The following PDK1 variants were observed in gnomAD, a reference collection of about 807,000 sequenced individuals.
PDK1 encodes the protein [Pyruvate dehydrogenase (acetyl-transferring)] kinase isozyme 1, mitochondrial.
In PDK1, 39 loss-of-function variants were observed where a neutral mutation model predicts 54.2. The observed-to-expected ratio is 0.72, with a 90% CI of 0.56 to 0.94. The LOEUF (loss-of-function observed/expected upper bound fraction) is 0.94. Ranked by LOEUF, PDK1 falls within the 40% of genes least tolerant of loss-of-function variation. The pLI, the probability that PDK1 is intolerant of heterozygous loss-of-function variation, is 0.00. For synonymous variants in PDK1, 221 were observed against 207.1 expected (o/e 1.07, Z -0.58); for missense variants, 552 against 566.0 (o/e 0.98, Z 0.25).
At chr2:172,608,980 A>G (rs1691382494), downstream of PDK1, among the ~76,000 whole-genome samples, 1 of 152,250 alleles carries the variant, frequency 6.6e-6, no homozygotes, top group East Asian at 1.9e-4. Flanking sequence ...ATGGAAAATC[A>G]TTATAAAGTC....
chr2:172,572,570 C>A (rs1689341360), intron 8 of PDK1, among the ~76,000 whole-genome samples: 1 of 151,918 alleles, frequency 6.6e-6, no homozygotes, highest in Non-Finnish European at 1.5e-5. Flanking sequence ...ACAAAAAATA[C>A]AAAAAATTAG....
the PDK1 span, among the ~76,000 whole-genome samples, chr2:172,709,247 C>T: frequency 2.0e-5 from 3 of 152,228 alleles, no homozygotes; most frequent in African/African-American, 7.2e-5. Flanking sequence ...CATCTCTCCT[C>T]ACAACTTGCT....
chr2:172,587,304 A>G (rs1188277136), intron 9 of PDK1, among the ~76,000 whole-genome samples: 5 of 152,180 alleles, frequency 3.3e-5, no homozygotes, highest in African/African-American at 1.2e-4. Context: ...TGCTGGCTTC[A>G]GGAGTGAAGC....
At chr2:172,664,871 T>C in the PDK1 span, among the ~76,000 whole-genome samples, 1 of 152,236 alleles carries the variant, frequency 6.6e-6, no homozygotes, top group Admixed American at 6.5e-5. Flanking sequence ...TCTCAGTTGA[T>C]ATAATCGAAA....
the PDK1 span, among the ~76,000 whole-genome samples, chr2:172,630,711 C>A: frequency 6.6e-6 from 1 of 151,762 alleles, no homozygotes; most frequent in East Asian, 1.9e-4. Context: ...TTCACTGCAA[C>A]CTCCACCTCC....
At chr2:172,697,185 A>G in the PDK1 span, among the ~76,000 whole-genome samples, 9 of 152,158 alleles carry the variant, frequency 5.9e-5, no homozygotes, top group African/African-American at 2.2e-4. Context: ...TAGTTCTCTC[A>G]TTTGCCAATT....
chr2:172,708,138 CA>C, the PDK1 span, among the ~76,000 whole-genome samples: 1 of 151,844 alleles, frequency 6.6e-6, no homozygotes, highest in Admixed American at 6.6e-5. Flanking sequence ...CCTGTCTCTA[CA>C]AAAAATTAGC....
At chr2:172,697,943 T>C in the PDK1 span, among the ~76,000 whole-genome samples, 44 of 152,348 alleles carry the variant, frequency 2.9e-4, no homozygotes, top group African/African-American at 8.9e-4. Flanking sequence ...CCATGGCAAC[T>C]GTCAGAAGCA....
At chr2:172,563,136 T>C (rs1213389793) in intron 3 of PDK1, among the ~76,000 whole-genome samples, 3 of 152,184 alleles carry the variant, frequency 2.0e-5, no homozygotes, top group African/African-American at 7.2e-5. Flanking sequence ...TAGTTTAAGG[T>C]TACATAGTTA....
the PDK1 span, among the ~76,000 whole-genome samples, chr2:172,668,450 G>T: frequency 3.3e-5 from 5 of 151,674 alleles, no homozygotes. Flanking sequence ...TATTTTTCTC[G>T]ACCTAAACTG....
At chr2:172,576,661 ATGTTT>A (rs898766597) in intron 8 of PDK1, among the ~76,000 whole-genome samples, 2 of 151,924 alleles carry the variant, frequency 1.3e-5, no homozygotes, top group African/African-American at 4.8e-5. Context: ...CAAGTTTTTA[ATGTTT>A]TGTTTTCATT....
At chr2:172,587,047 G>C (rs1690268600) in intron 9 of PDK1, among the ~76,000 whole-genome samples, 1 of 152,120 alleles carries the variant, frequency 6.6e-6, no homozygotes, top group Non-Finnish European at 1.5e-5. Context: ...ATTTCCAGTA[G>C]AGTTATGCTG....
chr2:172,632,417 T>C, the PDK1 span, among the ~76,000 whole-genome samples: 1 of 152,238 alleles, frequency 6.6e-6, no homozygotes, highest in Non-Finnish European at 1.5e-5. Flanking sequence ...TATTTAGATC[T>C]TCCTTCGTGA....
chr2:172,688,491 A>G, the PDK1 span, among the ~76,000 whole-genome samples: 1 of 152,078 alleles, frequency 6.6e-6, no homozygotes, highest in African/African-American at 2.4e-5. Context: ...CCCAAGCCCC[A>G]TCTTACTGAC....
At chr2:172,562,693 T>C (rs777864124) in intron 3 of PDK1, 1 of 1,030,756 alleles carries the variant, frequency 9.7e-7, no homozygotes, top group Non-Finnish European at 1.5e-6. Context: ...GTAAAATCTC[T>C]CACTTTTGAA....
the PDK1 span, among the ~76,000 whole-genome samples, chr2:172,693,391 G>A: frequency 1.3e-5 from 2 of 152,208 alleles, no homozygotes. Context: ...GCCATTTACT[G>A]GGGGGTGACC....
the PDK1 span, among the ~76,000 whole-genome samples, chr2:172,713,071 C>A: frequency 6.6e-6 from 1 of 152,022 alleles, no homozygotes; most frequent in South Asian, 2.1e-4. Context: ...CTCTGCAGTC[C>A]TCAGTGGAGA....
the PDK1 span, among the ~76,000 whole-genome samples, chr2:172,708,810 A>C: frequency 6.6e-6 from 1 of 152,228 alleles, no homozygotes; most frequent in Non-Finnish European, 1.5e-5. Context: ...TTCCCTTGGG[A>C]ATGCTGAATA....
intron 3 of PDK1, chr2:172,562,810 A>T: frequency 6.2e-7 from 1 of 1,611,254 alleles, no homozygotes; most frequent in East Asian, 2.2e-5. Context: ...TGTAAGTAAT[A>T]TGACAATGTT....
Sources: allele counts gnomAD v4.1 joint callset (sites outside exome capture counted in the v4.1 genomes callset), GRCh38; gene constraint gnomAD v4.1.1; transcripts MANE v1.5; gene names NCBI Gene and HGNC (gene_info 2026-07-23, HGNC 2026-07-21).